ATF7IP: variants seen among roughly 807,000 people sequenced by gnomAD.
ATF7IP encodes the protein activating transcription factor 7 interacting protein.
Under a neutral mutation model 106.4 loss-of-function variants are expected in ATF7IP, and 23 were observed. The ratio of observed to expected loss-of-function variants is 0.22; its 90% CI spans 0.16 to 0.31. ATF7IP has a LOEUF of 0.31. ATF7IP is among the 10% of genes least tolerant of loss of function. The probability of loss-of-function intolerance (pLI) is 1.00; values close to 1 mark genes in which losing one functional copy is unlikely to be tolerated. For synonymous variants in ATF7IP, 542 were observed against 539.0 expected, an observed-to-expected ratio of 1.01 and a Z score of -0.08; for missense variants, 1,334 against 1,524.3, an observed-to-expected ratio of 0.88 and a Z score of 2.08.
chr12:14,485,325 C>A (rs766882148), intron 13 of ATF7IP, among the ~76,000 whole-genome samples: 1 of 151,892 alleles, frequency 6.6e-6, no homozygotes, highest in Non-Finnish European at 1.5e-5. Flanking sequence ...GTGCCTCTTT[C>A]TTGGTTGTAG....
chr12:14,456,472 A>T (rs1001470522), intron 6 of ATF7IP, 89 bp from the exon 7 acceptor site: 1 of 799,880 alleles, frequency 1.3e-6, no homozygotes, highest in Non-Finnish European at 2.1e-6. Context: ...CAGATAATAT[A>T]TTGACAGGCA....
chr12:14,495,005 A>G (rs1944969200), intron 13 of ATF7IP, among the ~76,000 whole-genome samples: 1 of 150,772 alleles, frequency 6.6e-6, no homozygotes, highest in African/African-American at 2.4e-5. Context: ...AGCCAGTCTG[A>G]GTCCCAAAAC....
chr12:14,368,149 A>G (rs2136387424), intron 1 of ATF7IP, among the ~76,000 whole-genome samples: 1 of 152,234 alleles, frequency 6.6e-6, no homozygotes, highest in South Asian at 2.1e-4. Context: ...ACATTTGGAA[A>G]ATATTGAAAA....
intron 8 of ATF7IP, among the ~76,000 whole-genome samples, chr12:14,459,682 C>T (rs1943565695): frequency 6.6e-6 from 1 of 152,194 alleles, no homozygotes; most frequent in Non-Finnish European, 1.5e-5. Context: ...CGCTGGACCA[C>T]ACTTTGAGAA....
rs550310008 is a variant in ATF7IP at position 14,370,413 on chromosome 12, T to A, written c.-8+4586T>A. Reference sequence around the variant, plus strand: ...ACACAATTTAAATATGTGTTTGTAGTGCTATATCCTATATAAAATCCAATA... The same window carrying A: ...ACACAATTTAAATATGTGTTTGTAGAGCTATATCCTATATAAAATCCAATA... On this transcript the variant is annotated intron_variant, in intron 1 of 14. Coordinates refer to ENST00000261168, the MANE Select transcript of ATF7IP (RefSeq NM_018179.5). Among the ~76,000 whole-genome samples, 12 of 152,324 alleles carry A rather than the reference T, an allele frequency of 7.9e-5. No individual in the cohort carries two copies. The South Asian group carries it at 1.0e-3, about 13-fold the overall frequency.
Position 14,446,969 on chromosome 12 carries a change from TC to T in ATF7IP, c.1930-18del. 3.9e-6 allele frequency: 5 copies of T among 1,270,034 alleles called. No individual in the cohort carries two copies. Among genetic ancestry groups the T allele is most frequent in the South Asian group, 1.4e-5 (1 of 69,496 alleles). The allele number at this position is 1,270,034 out of a possible 1,614,324, so 78.7% of individuals were successfully genotyped here. A position where few individuals can be genotyped will look rare whatever the true frequency, so the allele number is the denominator to read the frequency against. ...ACTATTTGATTTCCATTCATTTTTG[TC>T]TTTTTTTTTTTTTTCAGGCCAAGAT... is the stretch of plus-strand genomic sequence containing the variant. On this transcript the variant is annotated intron_variant, in intron 5 of 14. Transcript: ENST00000261168.
chr12:14,383,945 A>C (rs906580924), intron 1 of ATF7IP, among the ~76,000 whole-genome samples: 6 of 152,026 alleles, frequency 3.9e-5, no homozygotes, highest in African/African-American at 1.2e-4. Flanking sequence ...ATCAAGTTTA[A>C]CTTTTTTTTT....
intron 2 of ATF7IP, among the ~76,000 whole-genome samples, chr12:14,432,050 G>C (rs71459154): frequency 6.6e-6 from 1 of 152,146 alleles, no homozygotes; most frequent in Non-Finnish European, 1.5e-5. Flanking sequence ...GTGATAGGAG[G>C]AGGTTTTTGA....
At position 14,424,412 on chromosome 12, in the gene ATF7IP, C is replaced by G. The variant is rs1158840534; in HGVS notation, c.497C>G (p.Ser166Cys). The G allele has an allele frequency of 3.1e-6, 5 of 1,613,950 alleles. No homozygotes were observed. Among genetic ancestry groups the G allele is most frequent in the Non-Finnish European group, 4.2e-6 (5 of 1,179,870 alleles). Residue 166 changes from serine (S) to cysteine (C), a missense_variant, in exon 2 of 15, where the codon TCT becomes TGT. Transcript: ENST00000261168. Reference sequence around the variant, plus strand: ...GATCCCACCTCTAGCGAGCCCTCCTCTAGTGATGCTGCCTCTGGTGATGCA... The same window carrying G: ...GATCCCACCTCTAGCGAGCCCTCCTGTAGTGATGCTGCCTCTGGTGATGCA... ...SGDPTSSEPS[S>C]SDAASGDATS...
intron 1 of ATF7IP, among the ~76,000 whole-genome samples, chr12:14,373,205 A>T (rs1463022690): frequency 6.6e-6 from 1 of 152,190 alleles, no homozygotes; most frequent in Non-Finnish European, 1.5e-5. Context: ...GAACTCTTTT[A>T]TTTCCTTTTA....
chr12:14,454,005 G>T (rs947511259), intron 6 of ATF7IP, among the ~76,000 whole-genome samples: 6 of 152,096 alleles, frequency 3.9e-5, no homozygotes, highest in African/African-American at 1.4e-4. Flanking sequence ...GGTTTTTGGA[G>T]ATTTATTTTA....
intron 12 of ATF7IP, among the ~76,000 whole-genome samples, chr12:14,479,547 C>G (rs1428861466): frequency 1.3e-5 from 2 of 152,084 alleles, no homozygotes; most frequent in Admixed American, 6.5e-5. Context: ...CTTAAAACAC[C>G]AGATATCTTG....
chr12:14,491,465 C>T (rs901335807), intron 13 of ATF7IP, among the ~76,000 whole-genome samples: 1 of 152,190 alleles, frequency 6.6e-6, no homozygotes, highest in Non-Finnish European at 1.5e-5. Flanking sequence ...CATCCTCTGG[C>T]ACACAAATCT....
At chr12:14,481,443 A>T in intron 13 of ATF7IP, 2 of 439,170 alleles carry the variant, frequency 4.6e-6, no homozygotes. Flanking sequence ...TAAGTATGTG[A>T]GATCATGCAT....
chr12:14,467,043 C>CT (rs1008730293), intron 10 of ATF7IP, among the ~76,000 whole-genome samples: 1 of 151,992 alleles, frequency 6.6e-6, no homozygotes, highest in Non-Finnish European at 1.5e-5. Context: ...AATTTTTTGT[C>CT]TGTCTGCTTG....
chr12:14,468,478 A>G (rs567266663), intron 10 of ATF7IP, among the ~76,000 whole-genome samples: 73 of 70,316 alleles, frequency 1.0e-3, no homozygotes, highest in African/African-American at 3.8e-3. Flanking sequence ...CCGTCTCTAT[A>G]AAAAAGAAGA....
chr12:14,444,593 GAATTAT>G (rs1942863028), intron 5 of ATF7IP, among the ~76,000 whole-genome samples: 1 of 151,884 alleles, frequency 6.6e-6, no homozygotes, highest in South Asian at 2.1e-4. Flanking sequence ...CAGATATTTT[GAATTAT>G]AATTAAAAAA....
At chr12:14,437,594 T>TA (rs1306947094) in intron 4 of ATF7IP, among the ~76,000 whole-genome samples, 1 of 152,214 alleles carries the variant, frequency 6.6e-6, no homozygotes, top group East Asian at 1.9e-4. Context: ...TGGAACTTTT[T>TA]AAAAGTTTAC....
chr12:14,446,556 A>G (rs1942968910), intron 5 of ATF7IP, among the ~76,000 whole-genome samples: 1 of 152,260 alleles, frequency 6.6e-6, no homozygotes, highest in South Asian at 2.1e-4. Context: ...GTGTCACAGT[A>G]AAGCCTATAC....
Sources: allele counts gnomAD v4.1 joint callset (sites outside exome capture counted in the v4.1 genomes callset), GRCh38; gene constraint gnomAD v4.1.1; transcripts MANE v1.5; gene names NCBI Gene and HGNC (gene_info 2026-07-23, HGNC 2026-07-21).